The following BMPER variants were observed in gnomAD, a reference collection of about 807,000 sequenced individuals.
The protein encoded by BMPER is BMP binding endothelial regulator, also known as BMP-binding endothelial regulator protein.
Under a neutral mutation model 87.3 loss-of-function variants are expected in BMPER, and 45 were observed. The ratio of observed to expected loss-of-function variants is 0.52; its 90% CI spans 0.41 to 0.66. BMPER has a LOEUF of 0.66. BMPER is among the 30% of genes least tolerant of loss of function. BMPER has a pLI of 0.00. For missense variants in BMPER, 784 were observed against 867.5 expected (o/e 0.90, Z 1.21); for synonymous variants, 326 against 316.2 (o/e 1.03, Z -0.33).
In BMPER at chr7:34,149,004, G is replaced by C. The variant is rs1240440575; in HGVS notation, c.1877-4088G>C. On this transcript the variant is annotated intron_variant, in intron 14 of 14. Transcript: ENST00000649409. The stretch of plus-strand genomic sequence containing the variant: ...ATCCACACTAGGAAAAGGAATGATG[G>C]GTTGAATATCATTAATATGAAATCC... Among the ~76,000 whole-genome samples, 3 of 152,180 alleles carry C rather than the reference G, an allele frequency of 2.0e-5. No homozygotes were observed. In the East Asian group the frequency reaches 5.8e-4, roughly 29 times the overall value.
At chr7:33,973,231 T>TG (rs1192998903) in intron 5 of BMPER, among the ~76,000 whole-genome samples, 2 of 152,220 alleles carry the variant, frequency 1.3e-5, no homozygotes, top group Non-Finnish European at 2.9e-5. Flanking sequence ...AAATCAGTGC[T>TG]ACAAACCTGT....
intron 13 of BMPER, among the ~76,000 whole-genome samples, chr7:34,094,913 T>A (rs1008155494): frequency 2.0e-5 from 3 of 152,258 alleles, no homozygotes; most frequent in South Asian, 2.1e-4. Flanking sequence ...CTATGCCATC[T>A]GGTGCCAGTA....
intron 14 of BMPER, among the ~76,000 whole-genome samples, chr7:34,143,778 GT>G (rs1790941226): frequency 6.6e-6 from 1 of 152,176 alleles, no homozygotes; most frequent in Non-Finnish European, 1.5e-5. Context: ...ACAAAGCCTA[GT>G]AGAATTTTTT....
At chr7:34,069,148 C>A (rs953894262) in intron 11 of BMPER, among the ~76,000 whole-genome samples, 1 of 152,116 alleles carries the variant, frequency 6.6e-6, no homozygotes, top group Non-Finnish European at 1.5e-5. Context: ...TTGCAAGTAT[C>A]CAGTTTTGAC....
chr7:34,043,449 C>T (rs1787882124), intron 6 of BMPER, among the ~76,000 whole-genome samples: 1 of 152,198 alleles, frequency 6.6e-6, no homozygotes, highest in Non-Finnish European at 1.5e-5. Flanking sequence ...GGCTAGCATT[C>T]AGTCATATGG....
At chr7:34,081,803 T>C (rs1171426581) in intron 12 of BMPER, among the ~76,000 whole-genome samples, 1 of 152,172 alleles carries the variant, frequency 6.6e-6, no homozygotes, top group Admixed American at 6.5e-5. Context: ...CTTTCTTTGG[T>C]GTAAAATTTG....
At chr7:34,027,346 A>G (rs1193011316) in intron 6 of BMPER, among the ~76,000 whole-genome samples, 1 of 152,154 alleles carries the variant, frequency 6.6e-6, no homozygotes, top group African/African-American at 2.4e-5. Context: ...CATGAGGTGT[A>G]CTAGTTGTCA....
intron 6 of BMPER, among the ~76,000 whole-genome samples, chr7:33,992,809 C>T (rs941642892): frequency 2.2e-5 from 3 of 136,950 alleles, no homozygotes; most frequent in Non-Finnish European, 3.2e-5. Context: ...TTAGGGCAGG[C>T]CTGGTGGTGA....
At chr7:34,070,235 C>T (rs1258832248) in intron 11 of BMPER, among the ~76,000 whole-genome samples, 1 of 152,082 alleles carries the variant, frequency 6.6e-6, no homozygotes, top group Non-Finnish European at 1.5e-5. Flanking sequence ...CTTTGATTCC[C>T]CCAATTATTT....
At chr7:33,997,990 C>CT (rs1461307959) in intron 6 of BMPER, among the ~76,000 whole-genome samples, 3 of 152,160 alleles carry the variant, frequency 2.0e-5, no homozygotes, top group Non-Finnish European at 4.4e-5. Flanking sequence ...TGCTGATGTG[C>CT]TTTTTTCATT....
chr7:34,002,199 T>C (rs1184886125), intron 6 of BMPER, among the ~76,000 whole-genome samples: 2 of 151,808 alleles, frequency 1.3e-5, no homozygotes, highest in African/African-American at 2.4e-5. Context: ...GCTCAACTTA[T>C]GATTTTAGGA....
At chr7:34,110,530 A>G (rs987692954) in intron 13 of BMPER, among the ~76,000 whole-genome samples, 1 of 152,142 alleles carries the variant, frequency 6.6e-6, no homozygotes, top group Non-Finnish European at 1.5e-5. Flanking sequence ...TCACAGAAGT[A>G]GTGTGTTTGT....
chr7:34,115,999 A>C (rs950353626), intron 13 of BMPER, among the ~76,000 whole-genome samples: 2 of 152,200 alleles, frequency 1.3e-5, no homozygotes, highest in African/African-American at 2.4e-5. Context: ...AATTAAAGCC[A>C]TCCTAGTGGG....
At chr7:34,097,005 G>C (rs982161865) in intron 13 of BMPER, among the ~76,000 whole-genome samples, 3 of 152,186 alleles carry the variant, frequency 2.0e-5, no homozygotes, top group Non-Finnish European at 4.4e-5. Flanking sequence ...GAGCTTGCAG[G>C]GCATGTTAAT....
chr7:34,143,435 G>T, intron 14 of BMPER, 75 bp downstream of exon 14: 1 of 1,593,736 alleles, frequency 6.3e-7, no homozygotes, highest in Non-Finnish European at 8.6e-7. Flanking sequence ...GAGACTTGTG[G>T]ATGCTGACAT....
chr7:34,126,545 G>A (rs1790406937), intron 13 of BMPER, among the ~76,000 whole-genome samples: 1 of 152,192 alleles, frequency 6.6e-6, no homozygotes, highest in African/African-American at 2.4e-5. Flanking sequence ...ACTGGCTGCT[G>A]TGTCACCAAG....
At chr7:33,982,754 G>T (rs1490984795) in intron 6 of BMPER, among the ~76,000 whole-genome samples, 1 of 152,122 alleles carries the variant, frequency 6.6e-6, no homozygotes, top group African/African-American at 2.4e-5. Context: ...ATTGTTATGG[G>T]ATATCAAATT....
At chr7:34,052,021 C>G (rs1788158735) in intron 8 of BMPER, 51 bp downstream of exon 8, 1 of 1,473,398 alleles carries the variant, frequency 6.8e-7, no homozygotes, top group Admixed American at 1.7e-5. Flanking sequence ...GTTTGGGTTT[C>G]AGTGTTAACA....
chr7:34,124,267 C>G (rs1472457565), intron 13 of BMPER, among the ~76,000 whole-genome samples: 2 of 151,992 alleles, frequency 1.3e-5, no homozygotes, highest in African/African-American at 2.4e-5. Flanking sequence ...TCTGTGCAGC[C>G]AAAGTGATTT....
Sources: gnomAD v4.1 joint callset for allele counts (sites outside exome capture counted in the v4.1 genomes callset) on GRCh38, gnomAD v4.1.1 for gene constraint, MANE v1.5 for transcripts, NCBI Gene and HGNC (gene_info 2026-07-23, HGNC 2026-07-21) for gene names.